Variants in DYNC1H1 observed in about 807,000 individuals in gnomAD.
The protein encoded by DYNC1H1 is dynein cytoplasmic 1 heavy chain 1.
A neutral mutation model predicts 527.1 loss-of-function variants in DYNC1H1; 51 were observed. The observed-to-expected ratio is 0.10, with a 90% CI of 0.08 to 0.12. DYNC1H1 has a LOEUF of 0.12. DYNC1H1 is among the 10% of genes least tolerant of loss of function. The probability of loss-of-function intolerance (pLI) is 1.00; values close to 1 mark genes in which losing one functional copy is unlikely to be tolerated. For synonymous variants in DYNC1H1, 2,189 were observed against 2,278.8 expected (o/e 0.96, Z 1.12); for missense variants, 2,771 against 5,971.8 (o/e 0.46, Z 17.66).
intron 18 of DYNC1H1, chr14:102,000,651 T>G: frequency 6.0e-6 from 3 of 496,302 alleles, no homozygotes; most frequent in Non-Finnish European, 7.2e-6. Context: ...CTCGGCTCAC[T>G]GCAACCTCCG....
intron 69 of DYNC1H1, chr14:102,043,537 G>A (rs972794122): frequency 1.9e-5 from 7 of 373,344 alleles, no homozygotes; most frequent in East Asian, 1.3e-4. Flanking sequence ...AGTGAAGACC[G>A]AAACTCTTGG....
intron 43 of DYNC1H1, chr14:102,023,381 C>T: frequency 3.9e-6 from 1 of 254,638 alleles, no homozygotes; most frequent in South Asian, 4.6e-5. Flanking sequence ...GAAACCCCAT[C>T]TCTACTAAAA....
chr14:102,048,656 C>T lies in DYNC1H1; in HGVS notation c.13359C>T (p.Asn4453=), dbSNP rs140033479. The T allele has an allele frequency of 2.4e-4, 386 of 1,613,162 alleles. No individual in the cohort carries two copies. The highest frequency in any genetic ancestry group is 2.9e-4 in the Non-Finnish European group (344 of 1,180,006). Residue 4453 remains asparagine (N), a synonymous_variant, in exon 74 of 78, where the codon AAC becomes AAT. Transcript: ENST00000360184. ...CCAACTACTTGCGCACGCTGATCAA[C>T]GAGCTAGTGAAAGGTGCGTGAGAGG... is the stretch of plus-strand genomic sequence containing the variant. ...KQTNYLRTLI[N]ELVKGILPRS...
chr14:102,011,037 T>A lies in DYNC1H1; in HGVS notation c.6618+85T>A. 7.0e-7 allele frequency: 1 copy of A among 1,421,042 alleles called. No homozygotes were observed. Among genetic ancestry groups the A allele is most frequent in the Non-Finnish European group, 9.9e-7 (1 of 1,006,660 alleles). 88.0% of individuals were successfully genotyped at this position (1,421,042 alleles called of 1,614,324 possible). On this transcript the variant is annotated intron_variant, in intron 32 of 77. Transcript: ENST00000360184. The surrounding 1 kb of genome is among the most constrained non-coding windows in gnomAD (Gnocchi z 5.3). ...GTAATGACAACCGTGGGCCCTTCGATGAAACTGTCCACAAAGGCTGTGGAG... is the reference window on the plus strand; with the variant it reads ...GTAATGACAACCGTGGGCCCTTCGAAGAAACTGTCCACAAAGGCTGTGGAG...
At chr14:101,990,594 G>A (rs1165901953) in intron 10 of DYNC1H1, among the ~76,000 whole-genome samples, 1 of 152,164 alleles carries the variant, frequency 6.6e-6, no homozygotes, top group Non-Finnish European at 1.5e-5. Flanking sequence ...TTTTATTGAG[G>A]CCAGACGCAG....
chr14:102,003,727 G>C (rs2048159264), intron 23 of DYNC1H1, among the ~76,000 whole-genome samples: 1 of 149,630 alleles, frequency 6.7e-6, no homozygotes, highest in Admixed American at 6.7e-5. Flanking sequence ...GTCAGTTTAG[G>C]ACCAGCCTGG....
chr14:101,974,083 T>C (rs946549815), intron 1 of DYNC1H1, among the ~76,000 whole-genome samples: 2 of 152,170 alleles, frequency 1.3e-5, no homozygotes, highest in African/African-American at 2.4e-5. Flanking sequence ...TTGAAACTAC[T>C]GCCCTTTCCT....
chr14:102,043,574 G>GT, intron 69 of DYNC1H1: 1 of 424,818 alleles, frequency 2.4e-6, no homozygotes, highest in South Asian at 2.1e-5. Context: ...TGTGGCAGGG[G>GT]TTTCGTTCTG....
chr14:101,966,962 G>A (rs1382426409), intron 1 of DYNC1H1, among the ~76,000 whole-genome samples: 3 of 152,042 alleles, frequency 2.0e-5, no homozygotes, highest in African/African-American at 7.2e-5. Context: ...TTGCACTTTT[G>A]AAAGTTGACT....
chr14:101,978,596 A>G (rs1035509295), intron 2 of DYNC1H1, among the ~76,000 whole-genome samples: 6 of 152,228 alleles, frequency 3.9e-5, no homozygotes, highest in Admixed American at 1.3e-4. Context: ...GGCAGTAGGT[A>G]TATAGAGTAG....
At chr14:102,025,923 C>T (rs2048444706) in intron 43 of DYNC1H1, among the ~76,000 whole-genome samples, 1 of 152,114 alleles carries the variant, frequency 6.6e-6, no homozygotes, top group South Asian at 2.1e-4. Context: ...CAAGACCATC[C>T]TGGCCAACGT....
In DYNC1H1 at chr14:102,011,069, A is replaced by G; in HGVS notation, c.6618+117A>G. The stretch of plus-strand genomic sequence containing the variant: ...GTCCACAAAGGCTGTGGAGGTGCAT[A>G]ATATGCTTTATGAAGATTTGCCCAA... On this transcript the variant is annotated intron_variant, in intron 32 of 77. Coordinates refer to ENST00000360184, the MANE Select transcript of DYNC1H1 (RefSeq NM_001376.5). The surrounding 1 kb of genome is among the most constrained non-coding windows in gnomAD (Gnocchi z 5.3). 4.5e-6 allele frequency: 5 copies of G among 1,101,010 alleles called. No homozygotes were observed. Among genetic ancestry groups the G allele is most frequent in the South Asian group, 1.3e-5 (1 of 78,044 alleles). 68.2% of individuals were successfully genotyped at this position (1,101,010 alleles called of 1,614,324 possible). A position where few individuals can be genotyped will look rare whatever the true frequency, so the allele number is the denominator to read the frequency against.
At position 102,039,022 on chromosome 14, in the gene DYNC1H1, G is replaced by A. The variant is rs1360902238; in HGVS notation, c.11228G>A (p.Arg3743His). Residue 3743 changes from arginine (R) to histidine (H), a missense_variant, in exon 60 of 78, where the codon CGT becomes CAT. Around this residue, in one of 32 missense-constraint regions of DYNC1H1, gnomAD observed 283 missense variants for 737.6 expected, o/e 0.38. Transcript: ENST00000360184. The surrounding 1 kb of genome is among the most constrained non-coding windows in gnomAD (Gnocchi z 7.0). ...KLQGEFQLRLRQLEKSLLQAL... is the reference protein window; with the variant it reads ...KLQGEFQLRLHQLEKSLLQAL... ...TAAGGGGAATTTCAGCTCCGTTTGC[G>A]TCAGCTGGAAAAATCTCTACTACAA... 1.2e-6 allele frequency: 2 copies of A among 1,613,982 alleles called. No individual in the cohort carries two copies. Among genetic ancestry groups the A allele is most frequent in the East Asian group, 2.2e-5 (1 of 44,902 alleles).
intron 43 of DYNC1H1, chr14:102,023,727 T>TGA (rs2048415929): frequency 6.6e-6 from 1 of 152,334 alleles, no homozygotes; most frequent in African/African-American, 2.4e-5. Context: ...CATGTGCCTG[T>TGA]AATCCCAGCT....
chr14:102,009,366 A>G lies in DYNC1H1; in HGVS notation c.5978-477A>G, dbSNP rs535762854. On this transcript the variant is annotated intron_variant, in intron 29 of 77. Transcript: ENST00000360184. ...GAAAGCAATACTTGCCTTTGTGATC[A>G]GTATTCTCTTAAGGCGAGAATACAC... The G allele has an allele frequency of 1.4e-3, 237 of 173,762 alleles. 1 individual carries two copies. Among genetic ancestry groups the G allele is most frequent in the African/African-American group, 5.5e-3 (228 of 41,742 alleles). The allele number at this position is 173,762 out of a possible 1,614,324, so 10.8% of individuals were successfully genotyped here.
chr14:101,975,455 C>T (rs750888206), intron 1 of DYNC1H1, among the ~76,000 whole-genome samples: 1 of 152,192 alleles, frequency 6.6e-6, no homozygotes, highest in Non-Finnish European at 1.5e-5. Context: ...TGCTTTCATG[C>T]ACCAACTCAG....
At position 102,011,490 on chromosome 14, in the gene DYNC1H1, T is replaced by A; in HGVS notation, c.6619-385T>A. ...TGAGGCTGCTCATTGGTGTCTCCTG[T>A]CCCACTGGCTCCAGCCTTCCTGACT... On this transcript the variant is annotated intron_variant, in intron 32 of 77. Transcript: ENST00000360184. This position sits in a 1 kb window ranked among gnomAD's most constrained non-coding sequence, Gnocchi z 5.3. 1 of 354,810 alleles carries A rather than the reference T, an allele frequency of 2.8e-6. No individual in the cohort carries two copies. Among genetic ancestry groups the A allele is most frequent in the South Asian group, 2.3e-5 (1 of 44,430 alleles). The allele number at this position is 354,810 out of a possible 1,614,324, so 22.0% of individuals were successfully genotyped here.
Position 102,039,209 on chromosome 14 carries a change from C to A in DYNC1H1, c.11415C>A (p.Ser3805=), listed in dbSNP as rs2048613390. Reference sequence around the variant, plus strand: ...TGTCCCAGCAGTACCTCCCGCTCTCCACCGCCTGCAGCAGCATCTACTTCA... The same window carrying A: ...TGTCCCAGCAGTACCTCCCGCTCTCAACCGCCTGCAGCAGCATCTACTTCA... ...ETVSQQYLPL[S]TACSSIYFTM... Residue 3805 remains serine (S), a synonymous_variant, in exon 60 of 78, where the codon TCC becomes TCA. Transcript: ENST00000360184. The surrounding 1 kb of genome is among the most constrained non-coding windows in gnomAD (Gnocchi z 7.0). 1 of 1,613,978 alleles carries A rather than the reference C, an allele frequency of 6.2e-7. No homozygotes were observed. Among genetic ancestry groups the A allele is most frequent in the East Asian group, 2.2e-5 (1 of 44,894 alleles).
At chr14:102,000,535 A>G in intron 18 of DYNC1H1, 136 bp downstream of exon 18, 1 of 817,726 alleles carries the variant, frequency 1.2e-6, no homozygotes, top group Non-Finnish European at 2.0e-6. Flanking sequence ...TGTCATTTAC[A>G]TTATTCGTCC....
Sources: allele counts gnomAD v4.1 joint callset (sites outside exome capture counted in the v4.1 genomes callset), GRCh38; gene constraint gnomAD v4.1.1; regional missense constraint gnomAD v4.1.1; non-coding constraint Gnocchi (gnomAD v3.1); transcripts MANE v1.5; gene names NCBI Gene and HGNC (gene_info 2026-07-23, HGNC 2026-07-21).